The following CTNNA3 variants were observed in gnomAD, a reference collection of about 807,000 sequenced individuals.
CTNNA3 encodes the protein catenin alpha 3.
In CTNNA3, 76 loss-of-function variants were observed where a neutral mutation model predicts 95.7. The ratio of observed to expected loss-of-function variants is 0.79; its 90% CI spans 0.66 to 0.96. The LOEUF (loss-of-function observed/expected upper bound fraction) is 0.96. CTNNA3 is among the 40% of genes least tolerant of loss of function. CTNNA3 has a pLI of 0.00. For synonymous variants in CTNNA3, 431 were observed against 374.4 expected (o/e 1.15, Z -1.74); for missense variants, 1,191 against 1,089.8 (o/e 1.09, Z -1.31).
At chr10:66,241,865 A>C (rs937719553) in intron 13 of CTNNA3, among the ~76,000 whole-genome samples, 3 of 94,350 alleles carry the variant, frequency 3.2e-5, no homozygotes, top group Non-Finnish European at 6.9e-5. Flanking sequence ...AATCTAATAT[A>C]ACCAAATATA....
intron 7 of CTNNA3, among the ~76,000 whole-genome samples, chr10:66,890,753 T>C (rs1328538667): frequency 6.6e-6 from 1 of 152,152 alleles, no homozygotes. Flanking sequence ...ATTCTCTTTT[T>C]AAGAAGAAAG....
At chr10:66,797,605 G>A (rs905542786) in intron 7 of CTNNA3, among the ~76,000 whole-genome samples, 1 of 151,956 alleles carries the variant, frequency 6.6e-6, no homozygotes, top group Non-Finnish European at 1.5e-5. Context: ...TTGGTGCAAA[G>A]CCAGTAACAC....
intron 5 of CTNNA3, among the ~76,000 whole-genome samples, chr10:67,521,594 G>A (rs1334990881): frequency 2.0e-5 from 3 of 152,112 alleles, no homozygotes; most frequent in Non-Finnish European, 4.4e-5. Context: ...TCACAAACCA[G>A]CAGGAATTTT....
At chr10:66,336,467 T>G (rs1338654182) in intron 12 of CTNNA3, among the ~76,000 whole-genome samples, 1 of 152,094 alleles carries the variant, frequency 6.6e-6, no homozygotes, top group East Asian at 1.9e-4. Flanking sequence ...GAATCTTTGC[T>G]TATGTAAAAA....
chr10:67,624,301 C>G (rs1843951493), intron 2 of CTNNA3, among the ~76,000 whole-genome samples: 1 of 152,184 alleles, frequency 6.6e-6, no homozygotes, highest in African/African-American at 2.4e-5. Flanking sequence ...AGACTGAAGT[C>G]TGTCAACACA....
At chr10:66,991,831 T>C (rs1336631806) in intron 7 of CTNNA3, among the ~76,000 whole-genome samples, 3 of 152,230 alleles carry the variant, frequency 2.0e-5, no homozygotes, top group Non-Finnish European at 4.4e-5. Flanking sequence ...TATGCCAGAA[T>C]AATATCAAAT....
intron 5 of CTNNA3, among the ~76,000 whole-genome samples, chr10:67,286,051 A>T (rs1001974865): frequency 3.1e-4 from 47 of 152,182 alleles, no homozygotes; most frequent in African/African-American, 1.1e-3. Flanking sequence ...TGGGCCAAAC[A>T]AAGAGTGTAT....
chr10:66,009,413 A>ACAACC (rs1564575102), intron 15 of CTNNA3, among the ~76,000 whole-genome samples: 3 of 152,216 alleles, frequency 2.0e-5, no homozygotes, highest in African/African-American at 7.2e-5. Flanking sequence ...AGCACCACAG[A>ACAACC]CAACCCTTTA....
intron 2 of CTNNA3, among the ~76,000 whole-genome samples, chr10:67,623,461 TG>T (rs1843916140): frequency 6.6e-6 from 1 of 151,626 alleles, no homozygotes; most frequent in South Asian, 2.1e-4. Flanking sequence ...TTGACGAGAG[TG>T]GGGTGTAGCA....
At chr10:66,593,890 C>G (rs1370762957) in intron 10 of CTNNA3, among the ~76,000 whole-genome samples, 1 of 151,974 alleles carries the variant, frequency 6.6e-6, no homozygotes, top group Non-Finnish European at 1.5e-5. Flanking sequence ...TGAACTAGGC[C>G]TCATTGCTTT....
intron 13 of CTNNA3, among the ~76,000 whole-genome samples, chr10:66,270,218 A>G (rs949963461): frequency 1.4e-4 from 14 of 98,672 alleles, no homozygotes; most frequent in Non-Finnish European, 2.3e-4. Context: ...ACACTATAAC[A>G]TTTTTTGGGG....
intron 10 of CTNNA3, among the ~76,000 whole-genome samples, chr10:66,619,946 G>A (rs1844685426): frequency 6.6e-6 from 1 of 151,996 alleles, no homozygotes; most frequent in South Asian, 2.1e-4. Context: ...AACAATGGTA[G>A]AATTTCACAA....
chr10:66,870,214 A>T (rs4996086), intron 7 of CTNNA3, among the ~76,000 whole-genome samples: 125,806 of 145,744 alleles, frequency 0.86, 53,287 homozygotes, highest in East Asian at 1. Context: ...TAGAGATACA[A>T]TATGCAAATT....
chr10:67,009,550 C>T lies in CTNNA3; in HGVS notation c.1047+170767G>A, dbSNP rs138737468. ...TTGTTTGTTTGTTTGTTTGCTTGTC[C>T]GTATCATATCTAGTATAATTTCCCT... On this transcript the variant is annotated intron_variant, in intron 7 of 17. Coordinates refer to ENST00000433211, the MANE Select transcript of CTNNA3 (RefSeq NM_013266.4). Among the ~76,000 whole-genome samples, 948 of 151,684 alleles carry T rather than the reference C, an allele frequency of 6.2e-3. 10 individuals are homozygous for T. The highest frequency in any genetic ancestry group is 0.021 in the African/African-American group (887 of 41,336).
chr10:66,115,236 G>A (rs2082279300), intron 13 of CTNNA3, among the ~76,000 whole-genome samples: 1 of 152,162 alleles, frequency 6.6e-6, no homozygotes, highest in African/African-American at 2.4e-5. Flanking sequence ...TCTTTCGATT[G>A]ACAAGAGGAA....
chr10:66,576,615 G>T (rs1843011159), intron 10 of CTNNA3, among the ~76,000 whole-genome samples: 1 of 151,998 alleles, frequency 6.6e-6, no homozygotes, highest in African/African-American at 2.4e-5. Context: ...GTTTGCTTAG[G>T]ATAATGACCT....
intron 11 of CTNNA3, among the ~76,000 whole-genome samples, chr10:66,411,938 A>C (rs1326298524): frequency 2.7e-4 from 41 of 152,252 alleles, no homozygotes; most frequent in Admixed American, 2.5e-3. Flanking sequence ...GAAGCCTGTA[A>C]GGATTCTACC....
intron 7 of CTNNA3, among the ~76,000 whole-genome samples, chr10:67,128,882 T>C (rs989543225): frequency 1.3e-5 from 2 of 152,128 alleles, no homozygotes; most frequent in African/African-American, 4.8e-5. Context: ...AATAACTACA[T>C]CTAGTAAGAT....
intron 7 of CTNNA3, among the ~76,000 whole-genome samples, chr10:67,119,193 T>C (rs1207206232): frequency 6.6e-6 from 1 of 151,978 alleles, no homozygotes; most frequent in Non-Finnish European, 1.5e-5. Flanking sequence ...TTTTTCTTTT[T>C]CTTTTTTTGG....
Sources: allele counts gnomAD v4.1 joint callset (sites outside exome capture counted in the v4.1 genomes callset), GRCh38; gene constraint gnomAD v4.1.1; transcripts MANE v1.5; gene names NCBI Gene and HGNC (gene_info 2026-07-23, HGNC 2026-07-21).